Variants in SYN2 observed in about 807,000 individuals in gnomAD.
SYN2 encodes the protein synapsin II.
Under a neutral mutation model 50.9 loss-of-function variants are expected in SYN2, and 19 were observed. That is an observed-to-expected ratio of 0.37 (90% CI 0.26 to 0.55). The LOEUF (loss-of-function observed/expected upper bound fraction) is 0.55, where lower values mean the gene tolerates loss of function less well. Ranked by LOEUF, SYN2 falls within the 20% of genes least tolerant of loss-of-function variation. The pLI is 0.81. For missense variants in SYN2, 587 were observed against 576.4 expected (o/e 1.02, Z -0.19); for synonymous variants, 255 against 224.9 (o/e 1.13, Z -1.20).
At chr3:12,071,247 C>T in intron 1 of SYN2, 1 of 557,378 alleles carries the variant, frequency 1.8e-6, no homozygotes, top group South Asian at 1.5e-5. Flanking sequence ...AGCGCAAGTA[C>T]TCTGTGTGGA....
intron 1 of SYN2, among the ~76,000 whole-genome samples, chr3:12,122,284 A>G (rs1230665752): frequency 6.6e-6 from 1 of 152,226 alleles, no homozygotes; most frequent in South Asian, 2.1e-4. Flanking sequence ...TTGAACTCAA[A>G]TCTTAAAATC....
chr3:12,119,637 T>G (rs1403125882), intron 1 of SYN2, among the ~76,000 whole-genome samples: 1 of 152,214 alleles, frequency 6.6e-6, no homozygotes, highest in Admixed American at 6.5e-5. Flanking sequence ...CAGGAAAGCA[T>G]GTAGCCATAT....
chr3:12,037,902 A>C (rs894542504), intron 1 of SYN2, among the ~76,000 whole-genome samples: 1 of 152,064 alleles, frequency 6.6e-6, no homozygotes, highest in African/African-American at 2.4e-5. Context: ...ACATGTTTTT[A>C]ATTTTGATGA....
At chr3:12,118,683 A>G (rs1031224767) in intron 1 of SYN2, among the ~76,000 whole-genome samples, 1 of 152,214 alleles carries the variant, frequency 6.6e-6, no homozygotes, top group African/African-American at 2.4e-5. Context: ...TAGGGGGTCC[A>G]TATTTTACCT....
intron 1 of SYN2, among the ~76,000 whole-genome samples, chr3:12,065,912 T>C (rs535934879): frequency 3.9e-5 from 6 of 152,208 alleles, no homozygotes; most frequent in African/African-American, 1.4e-4. Flanking sequence ...TATGATTCCA[T>C]TTATATGAAG....
chr3:12,006,369 A>G lies in SYN2; in HGVS notation c.377+1441A>G, dbSNP rs78209985. 7.9e-4 allele frequency among the ~76,000 whole-genome samples: 121 copies of G among 152,336 alleles called. 2 individuals are homozygous for G. In the East Asian group the frequency reaches 0.02, roughly 25 times the overall value. On this transcript the variant is annotated intron_variant, in intron 1 of 12. Transcript: ENST00000621198. ...GGGTAATGGGGAAAGTGTAATGCAT[A>G]TGATAGTGCCACTGGCAGCCCTCCT...
intron 4 of SYN2, among the ~76,000 whole-genome samples, chr3:12,149,773 T>C (rs1697234097): frequency 6.6e-6 from 1 of 152,156 alleles, no homozygotes; most frequent in African/African-American, 2.4e-5. Context: ...TCCAGTGTTT[T>C]CCAGCATTTC....
chr3:12,145,052 CCAAA>C (rs1243193039), intron 3 of SYN2, among the ~76,000 whole-genome samples: 2 of 151,376 alleles, frequency 1.3e-5, no homozygotes, highest in East Asian at 3.9e-4. Flanking sequence ...AATACAAAAA[CCAAA>C]CAAACAAAAA....
rs553658230 is a variant in SYN2, at chr3:12,071,157, G to T, written c.377+66229G>T. The T allele has an allele frequency of 1.4e-5, 8 of 553,440 alleles. No individual in the cohort carries two copies. The East Asian group carries it at 2.9e-4, about 20-fold the overall frequency. The allele number at this position is 553,440 out of a possible 1,614,324, so 34.3% of individuals were successfully genotyped here. ...TGTCCAGCGGCACTACCATGTACCC[G>T]GGCATCACCAACAGGATGCAGAAGG... On this transcript the variant is annotated intron_variant, in intron 1 of 12. Transcript: ENST00000621198.
In SYN2 at chr3:12,071,181, G is replaced by A. The variant is rs1574923063; in HGVS notation, c.377+66253G>A. The A allele has an allele frequency of 9.1e-6, 5 of 551,682 alleles. 1 individual carries two copies. The Middle Eastern group carries it at 9.6e-4, about 106-fold the overall frequency. 34.2% of individuals were successfully genotyped at this position (551,682 alleles called of 1,614,324 possible). ...CGGGCATCACCAACAGGATGCAGAA[G>A]GCAATCACTGCCCTGGCACCCAGCA... On this transcript the variant is annotated intron_variant, in intron 1 of 12. Coordinates refer to ENST00000621198, the MANE Select transcript of SYN2 (RefSeq NM_133625.6).
chr3:12,122,248 A>G (rs1696576592), intron 1 of SYN2, among the ~76,000 whole-genome samples: 2 of 152,104 alleles, frequency 1.3e-5, no homozygotes, highest in African/African-American at 4.8e-5. Context: ...AAAGAGAACA[A>G]TTTTCTTTTT....
At chr3:12,145,859 A>C in intron 4 of SYN2, 24 bp downstream of exon 4, 1 of 1,612,834 alleles carries the variant, frequency 6.2e-7, no homozygotes, top group Non-Finnish European at 8.5e-7. Flanking sequence ...CCTTCCCCCA[A>C]GTAAAAGGGT....
At chr3:12,116,970 C>G (rs1420243506) in intron 1 of SYN2, among the ~76,000 whole-genome samples, 1 of 151,970 alleles carries the variant, frequency 6.6e-6, no homozygotes, top group Non-Finnish European at 1.5e-5. Flanking sequence ...AGGCTGGTCT[C>G]GAACTCCTCA....
chr3:12,120,407 G>A (rs944999248), intron 1 of SYN2, among the ~76,000 whole-genome samples: 1 of 152,126 alleles, frequency 6.6e-6, no homozygotes, highest in Non-Finnish European at 1.5e-5. Context: ...AAGTCAGGTT[G>A]GCCCCCTCTT....
chr3:12,106,433 G>A (rs2125192770), intron 1 of SYN2, among the ~76,000 whole-genome samples: 1 of 152,224 alleles, frequency 6.6e-6, no homozygotes, highest in East Asian at 1.9e-4. Flanking sequence ...GGGGGTGGGG[G>A]AATCTGGGAC....
chr3:12,009,545 G>T (rs560907937), intron 1 of SYN2, among the ~76,000 whole-genome samples: 1 of 152,164 alleles, frequency 6.6e-6, no homozygotes, highest in African/African-American at 2.4e-5. Context: ...GTTAGTGAAA[G>T]AATGGGAACT....
chr3:12,183,651 C>T, intron 11 of SYN2: 7 of 1,392,682 alleles, frequency 5.0e-6, no homozygotes, highest in Non-Finnish European at 5.6e-6. Context: ...TATGTTTTCT[C>T]TGTATAACTT....
At chr3:12,030,820 A>C (rs2125141931) in intron 1 of SYN2, among the ~76,000 whole-genome samples, 1 of 110,016 alleles carries the variant, frequency 9.1e-6, no homozygotes, top group East Asian at 2.7e-4. Context: ...TGATCCTTTC[A>C]AAAAACCAGC....
At chr3:12,040,307 C>T (rs932943700) in intron 1 of SYN2, among the ~76,000 whole-genome samples, 1 of 152,018 alleles carries the variant, frequency 6.6e-6, no homozygotes, top group African/African-American at 2.4e-5. Flanking sequence ...GATTAATCTG[C>T]CTCTGATGAA....
Sources: gnomAD v4.1 joint callset for allele counts (sites outside exome capture counted in the v4.1 genomes callset) on GRCh38, gnomAD v4.1.1 for gene constraint, MANE v1.5 for transcripts, NCBI Gene and HGNC (gene_info 2026-07-23, HGNC 2026-07-21) for gene names.